Variants in GNPTAB observed in about 807,000 individuals in gnomAD.
GNPTAB encodes N-acetylglucosamine-1-phosphate transferase subunits alpha and beta.
GNPTAB carries 92 observed loss-of-function variants against 136.6 expected under a neutral mutation model. The ratio of observed to expected loss-of-function variants is 0.67; its 90% CI spans 0.57 to 0.80. The LOEUF (loss-of-function observed/expected upper bound fraction) is 0.80, where lower values mean the gene tolerates loss of function less well. Ranked by LOEUF, GNPTAB falls within the 30% of genes least tolerant of loss-of-function variation. The pLI is 0.00. For missense variants in GNPTAB, 1,343 were observed against 1,501.8 expected (o/e 0.89, Z 1.75); for synonymous variants, 512 against 535.1 (o/e 0.96, Z 0.60).
chr12:101,754,541 G>T (rs7957768), intron 18 of GNPTAB, among the ~76,000 whole-genome samples: 67,104 of 151,950 alleles, frequency 0.44, 15,062 homozygotes, highest in African/African-American at 0.52. Flanking sequence ...TATAGCTACA[G>T]ATTATATGAA....
At chr12:101,786,984 A>G (rs1020708613) in intron 4 of GNPTAB, among the ~76,000 whole-genome samples, 1 of 152,248 alleles carries the variant, frequency 6.6e-6, no homozygotes, top group Admixed American at 6.5e-5. Flanking sequence ...TGTCACTCCA[A>G]ACGACACCAA....
chr12:101,826,246 C>T (rs1013931711), intron 1 of GNPTAB, among the ~76,000 whole-genome samples: 4 of 152,100 alleles, frequency 2.6e-5, no homozygotes, highest in East Asian at 1.9e-4. Context: ...CCATTCATTA[C>T]GAGTAGATTC....
At chr12:101,780,721 G>A (rs1158536846) in intron 5 of GNPTAB, 100 bp from the exon 6 acceptor site, 2 of 841,322 alleles carry the variant, frequency 2.4e-6, no homozygotes, top group Admixed American at 1.9e-5. Flanking sequence ...TATTAAAGCA[G>A]CATAATATAT....
chr12:101,766,924 T>C (rs929080461), intron 11 of GNPTAB, among the ~76,000 whole-genome samples: 2 of 152,188 alleles, frequency 1.3e-5, no homozygotes, highest in Non-Finnish European at 2.9e-5. Flanking sequence ...TTCCAAAGAC[T>C]GTGACTATCA....
At chr12:101,750,140 G>A (rs1952794893) in intron 19 of GNPTAB, among the ~76,000 whole-genome samples, 1 of 152,152 alleles carries the variant, frequency 6.6e-6, no homozygotes, top group South Asian at 2.1e-4. Context: ...GATAAAAAGA[G>A]GCAGTACAGC....
chr12:101,803,979 C>A (rs2137167602), intron 1 of GNPTAB, among the ~76,000 whole-genome samples: 1 of 152,078 alleles, frequency 6.6e-6, no homozygotes, highest in Admixed American at 6.5e-5. Flanking sequence ...TGCCTGTAAT[C>A]CCAGTACTTT....
Position 101,772,090 on chromosome 12 carries a change from A to T in GNPTAB, c.772-933T>A, listed in dbSNP as rs11111015. On this transcript the variant is annotated intron_variant, in intron 7 of 20. Transcript: ENST00000299314. ...ATAAATCTAAGCGTGAACATCACAA[A>T]CATCAAGTTCCACAAACAGGCTTTG... 0.022 allele frequency among the ~76,000 whole-genome samples: 3,321 copies of T among 152,306 alleles called. 333 individuals carry two copies. The East Asian group carries it at 0.31, about 14-fold the overall frequency.
chr12:101,786,345 T>C lies in GNPTAB; in HGVS notation c.366-128A>G. The C allele has an allele frequency of 1.7e-5, 13 of 775,766 alleles. 1 individual carries two copies. Among genetic ancestry groups the C allele is most frequent in the Middle Eastern group, 2.9e-4 (1 of 3,478 alleles). 48.1% of individuals were successfully genotyped at this position (775,766 alleles called of 1,614,324 possible). On this transcript the variant is annotated intron_variant, in intron 4 of 20. Transcript: ENST00000299314. ...TAAAAAATGATAATATTTTAACAAA[T>C]GAAGACTTTTATCTCATGGATACAA...
chr12:101,782,322 A>G (rs1021298779), intron 5 of GNPTAB, among the ~76,000 whole-genome samples: 3 of 152,224 alleles, frequency 2.0e-5, no homozygotes, highest in Admixed American at 6.5e-5. Flanking sequence ...TTAAAAAGAT[A>G]AGTTTTACTC....
At position 101,830,794 on chromosome 12, in the gene GNPTAB, C is replaced by G. The variant is rs1871336622; in HGVS notation, c.-119G>C. Reference sequence around the variant, plus strand: ...GGCCGCCGCGCGCAGGTCACAGCCTCCGGGCGCCGCTCATTGCAGCTCCGG... The same window carrying G: ...GGCCGCCGCGCGCAGGTCACAGCCTGCGGGCGCCGCTCATTGCAGCTCCGG... On this transcript the variant is annotated 5_prime_UTR_variant, in exon 1 of 21. Transcript: ENST00000299314. 1 of 450,828 alleles carries G rather than the reference C, an allele frequency of 2.2e-6. No individual in the cohort carries two copies. Among genetic ancestry groups the G allele is most frequent in the Non-Finnish European group, 4.0e-6 (1 of 252,990 alleles). 27.9% of individuals were successfully genotyped at this position (450,828 alleles called of 1,614,324 possible).
chr12:101,825,190 T>A (rs1421797864), intron 1 of GNPTAB, among the ~76,000 whole-genome samples: 1 of 152,230 alleles, frequency 6.6e-6, no homozygotes, highest in Non-Finnish European at 1.5e-5. Flanking sequence ...CTTGGCCTCA[T>A]CTCAACTAAA....
chr12:101,795,241 C>G (rs1465682015), intron 2 of GNPTAB, among the ~76,000 whole-genome samples: 1 of 152,104 alleles, frequency 6.6e-6, no homozygotes. Flanking sequence ...AAACTCTGGG[C>G]TGGGAAGTAA....
rs565900629 is a variant in GNPTAB, at chr12:101,770,415, T to A, written c.1104A>T (p.Val368=). The change falls in exon 9 of 21, where the codon GTA becomes GTT. Residue 368 remains valine (V), a synonymous_variant. Coordinates refer to ENST00000299314, the MANE Select transcript of GNPTAB (RefSeq NM_024312.5). ...LNLDNPRVTI[V]THQDVFRNLS... is the part of the protein sequence containing the mutation. ...TTAGAAAGTCCTGTACCTGGTGTGTTACTATTGTCACTCGAGGATTGTCAA... is the reference window on the plus strand; with the variant it reads ...TTAGAAAGTCCTGTACCTGGTGTGTAACTATTGTCACTCGAGGATTGTCAA... 86 of 1,611,098 alleles carry A rather than the reference T, an allele frequency of 5.3e-5. No individual in the cohort carries two copies. The South Asian group carries it at 8.9e-4, about 17-fold the overall frequency.
intron 5 of GNPTAB, among the ~76,000 whole-genome samples, chr12:101,784,521 A>G (rs111863935): frequency 2.1e-4 from 32 of 152,326 alleles, no homozygotes; most frequent in African/African-American, 7.5e-4. Context: ...CAGTGAACCC[A>G]TAAAATCAGG....
chr12:101,757,385 A>G (rs1952917277), intron 17 of GNPTAB, 75 bp from the exon 18 acceptor site: 1 of 982,400 alleles, frequency 1.0e-6, no homozygotes, highest in Non-Finnish European at 1.6e-6. Flanking sequence ...TAGAAAATAC[A>G]TTTTTTAAAA....
rs748026159 is a variant in GNPTAB at position 101,770,436 on chromosome 12, G to A, written c.1083C>T (p.Asp361=). 3 of 1,613,790 alleles carry A rather than the reference G, an allele frequency of 1.9e-6. No homozygotes were observed. Among genetic ancestry groups the A allele is most frequent in the Non-Finnish European group, 2.5e-6 (3 of 1,179,668 alleles). The change falls in exon 9 of 21, where the codon GAC becomes GAT. Residue 361 remains aspartate, a synonymous_variant. Transcript: ENST00000299314. ...NGQIPSWLNL[D]NPRVTIVTHQ... ...GTGTTACTATTGTCACTCGAGGATT[G>A]TCAAGGTTCAGCCAGGATGGAATCT...
chr12:101,769,883 C>A, intron 10 of GNPTAB, 138 bp downstream of exon 10: 1 of 887,636 alleles, frequency 1.1e-6, no homozygotes, highest in East Asian at 2.4e-5. Context: ...CACCCACCTC[C>A]GCCTCCCAAA....
At chr12:101,797,531 G>A (rs1869369155) in intron 1 of GNPTAB, among the ~76,000 whole-genome samples, 2 of 152,164 alleles carry the variant, frequency 1.3e-5, no homozygotes, top group Non-Finnish European at 2.9e-5. Context: ...AAGTGAGACA[G>A]GAGAATTGCT....
At chr12:101,762,041 C>A (rs1230724391) in intron 13 of GNPTAB, among the ~76,000 whole-genome samples, 2 of 152,198 alleles carry the variant, frequency 1.3e-5, no homozygotes, top group African/African-American at 4.8e-5. Flanking sequence ...TCTTCAAGGA[C>A]TGGTCACTGA....
Sources: allele counts gnomAD v4.1 joint callset (sites outside exome capture counted in the v4.1 genomes callset), GRCh38; gene constraint gnomAD v4.1.1; transcripts MANE v1.5; gene names NCBI Gene and HGNC (gene_info 2026-07-23, HGNC 2026-07-21).